Variants in CNTNAP5 observed in about 807,000 individuals in gnomAD.
The protein encoded by CNTNAP5 is contactin associated protein family member 5, also known as contactin-associated protein-like 5.
A neutral mutation model predicts 150.2 loss-of-function variants in CNTNAP5; 72 were observed. The ratio of observed to expected loss-of-function variants is 0.48; its 90% CI spans 0.40 to 0.58. CNTNAP5 has a LOEUF of 0.58. Among genes scored for constraint, CNTNAP5 ranks in the 20% least tolerant of loss-of-function variants. The pLI, the probability that CNTNAP5 is intolerant of heterozygous loss-of-function variation, is 0.00. For synonymous variants in CNTNAP5, 672 were observed against 619.8 expected (o/e 1.08, Z -1.25); for missense variants, 1,636 against 1,626.2 (o/e 1.01, Z -0.10).
At chr2:124,605,377 G>T (rs1339849347) in intron 11 of CNTNAP5, among the ~76,000 whole-genome samples, 22 of 152,240 alleles carry the variant, frequency 1.4e-4, no homozygotes, top group Admixed American at 1.4e-3. Context: ...GAAGCTGGTT[G>T]TGATGCTAGC....
rs150108304 is a variant in CNTNAP5 at position 124,087,413 on chromosome 2, T to C, written c.82+61681T>C. ...ATTTCTTCATCTGAGGTTTTTAAAA[T>C]TCCCTCTTTACACTTAAAGAATATT... On this transcript the variant is annotated intron_variant, in intron 1 of 23. Transcript: ENST00000682447. Among the ~76,000 whole-genome samples, 590 of 152,006 alleles carry C rather than the reference T, an allele frequency of 3.9e-3. 24 individuals carry two copies. Among genetic ancestry groups the C allele is most frequent in the African/African-American group, 0.014 (568 of 41,274 alleles).
At chr2:124,757,229 C>T (rs998947204) in intron 14 of CNTNAP5, among the ~76,000 whole-genome samples, 19 of 152,160 alleles carry the variant, frequency 1.2e-4, no homozygotes, top group African/African-American at 4.6e-4. Context: ...GAAATCCTGT[C>T]AAGGTGATCC....
intron 10 of CNTNAP5, among the ~76,000 whole-genome samples, chr2:124,540,828 T>A (rs1695364379): frequency 6.6e-6 from 1 of 152,032 alleles, no homozygotes; most frequent in African/African-American, 2.4e-5. Flanking sequence ...AGGACACACA[T>A]TTGAACCAAA....
chr2:124,841,321 T>C (rs912354524), intron 19 of CNTNAP5, among the ~76,000 whole-genome samples: 1 of 151,936 alleles, frequency 6.6e-6, no homozygotes, highest in Non-Finnish European at 1.5e-5. Context: ...AGTACTTTCT[T>C]CTACTTCTTC....
At chr2:124,419,896 T>TTTTCTTTCTTC (rs1553466618) in intron 4 of CNTNAP5, among the ~76,000 whole-genome samples, 1 of 85,198 alleles carries the variant, frequency 1.2e-5, no homozygotes, top group Non-Finnish European at 2.3e-5. Flanking sequence ...ACTGGATTGG[T>TTTTCTTTCTTC]TTTCTTTCTT....
At chr2:124,124,313 T>G (rs1573771240) in intron 1 of CNTNAP5, among the ~76,000 whole-genome samples, 1 of 152,032 alleles carries the variant, frequency 6.6e-6, no homozygotes, top group East Asian at 1.9e-4. Flanking sequence ...AGGGTATCAG[T>G]GATGGAAGAT....
intron 13 of CNTNAP5, among the ~76,000 whole-genome samples, chr2:124,667,536 T>C (rs1678725782): frequency 6.6e-6 from 1 of 152,220 alleles, no homozygotes; most frequent in Non-Finnish European, 1.5e-5. Flanking sequence ...TGGGTTTTGG[T>C]GGGTGTGTTC....
chr2:124,256,649 G>T (rs1200097815), intron 3 of CNTNAP5, among the ~76,000 whole-genome samples: 1 of 152,130 alleles, frequency 6.6e-6, no homozygotes, highest in Non-Finnish European at 1.5e-5. Context: ...TTGGAGAAAA[G>T]ATGCCCAATA....
At chr2:124,440,408 T>A (rs537636873) in intron 5 of CNTNAP5, among the ~76,000 whole-genome samples, 1 of 152,176 alleles carries the variant, frequency 6.6e-6, no homozygotes, top group Non-Finnish European at 1.5e-5. Flanking sequence ...TCAGGCTGTC[T>A]GAAATTCACA....
rs959901808 is a variant in CNTNAP5, at chr2:124,919,653, T to C, written c.*5365T>C. ...TGCATTTGGATCATTGTCTTACTCA[T>C]TAGGGAAAGAGGCAATATCATGGGC... is the stretch of plus-strand genomic sequence containing the variant. On this transcript the variant is annotated 3_prime_UTR_variant, in exon 24 of 24. Coordinates refer to ENST00000682447, the MANE Select transcript of CNTNAP5 (RefSeq NM_001367498.1). Among the ~76,000 whole-genome samples the C allele has an allele frequency of 1.3e-5, 2 of 152,104 alleles. No individual in the cohort carries two copies. The highest frequency in any genetic ancestry group is 2.9e-5 in the Non-Finnish European group (2 of 67,990).
chr2:124,135,553 A>G (rs1329397624), intron 1 of CNTNAP5, among the ~76,000 whole-genome samples: 1 of 152,218 alleles, frequency 6.6e-6, no homozygotes, highest in Non-Finnish European at 1.5e-5. Context: ...TGCTCATAAG[A>G]AGAACTTACA....
chr2:124,147,612 A>G (rs1418110055), intron 1 of CNTNAP5, among the ~76,000 whole-genome samples: 2 of 152,244 alleles, frequency 1.3e-5, no homozygotes, highest in East Asian at 3.8e-4. Context: ...TAGCATTTAC[A>G]CATTTTGCTC....
At chr2:124,181,529 A>T (rs1348059502) in intron 1 of CNTNAP5, among the ~76,000 whole-genome samples, 1 of 151,922 alleles carries the variant, frequency 6.6e-6, no homozygotes, top group Non-Finnish European at 1.5e-5. Context: ...TTTTTATTCT[A>T]TATCTAATGA....
chr2:124,658,359 G>A (rs1211975313), intron 13 of CNTNAP5, among the ~76,000 whole-genome samples: 1 of 152,130 alleles, frequency 6.6e-6, no homozygotes, highest in Non-Finnish European at 1.5e-5. Context: ...TATATTTAAT[G>A]TTCTCTGAGT....
At chr2:124,828,411 G>A (rs568991498) in intron 19 of CNTNAP5, among the ~76,000 whole-genome samples, 77 of 152,110 alleles carry the variant, frequency 5.1e-4, no homozygotes, top group African/African-American at 1.8e-3. Context: ...AACCTAGGAG[G>A]TGGAGCTTGC....
intron 3 of CNTNAP5, among the ~76,000 whole-genome samples, chr2:124,369,715 T>C (rs1690469750): frequency 6.6e-6 from 1 of 152,074 alleles, no homozygotes. Flanking sequence ...TACATGAAAA[T>C]CACTCAAAAA....
intron 1 of CNTNAP5, among the ~76,000 whole-genome samples, chr2:124,049,789 T>C (rs1008900328): frequency 2.0e-5 from 3 of 152,192 alleles, no homozygotes; most frequent in Admixed American, 2.0e-4. Context: ...CAGAAATGTA[T>C]TTTTTACAGT....
In CNTNAP5 at chr2:124,432,066, A is replaced by G. The variant is rs537596811; in HGVS notation, c.530-2418A>G. On this transcript the variant is annotated intron_variant, in intron 4 of 23. Coordinates refer to ENST00000682447, the MANE Select transcript of CNTNAP5 (RefSeq NM_001367498.1). ...GAAGAGTATAGTGGTGGTATGAGTG[A>G]GTGGACAGGATGTATATAATTTGTG... is the stretch of plus-strand genomic sequence containing the variant. Among the ~76,000 whole-genome samples, 4 of 152,312 alleles carry G rather than the reference A, an allele frequency of 2.6e-5. No individual in the cohort carries two copies. In the East Asian group the frequency reaches 5.8e-4, roughly 22 times the overall value.
At chr2:124,904,065 C>A (rs2685171) in intron 22 of CNTNAP5, among the ~76,000 whole-genome samples, 61,751 of 122,120 alleles carry the variant, frequency 0.51, 15,715 homozygotes, top group African/African-American at 0.65. Context: ...AAAAAAAAAA[C>A]AAAAAAAAAA....
Sources: allele counts gnomAD v4.1 joint callset (sites outside exome capture counted in the v4.1 genomes callset), GRCh38; gene constraint gnomAD v4.1.1; transcripts MANE v1.5; gene names NCBI Gene and HGNC (gene_info 2026-07-23, HGNC 2026-07-21).